Variants in CSMD2 observed in about 807,000 individuals in gnomAD.
The protein encoded by CSMD2 is CUB and sushi domain-containing protein 2.
In CSMD2, 130 loss-of-function variants were observed where a neutral mutation model predicts 398.5. That is an observed-to-expected ratio of 0.33 (90% confidence interval 0.28 to 0.38). The LOEUF (loss-of-function observed/expected upper bound fraction) is 0.38. Ranked by LOEUF, CSMD2 falls within the 10% of genes least tolerant of loss-of-function variation. The probability of loss-of-function intolerance (pLI) is 1.00; values close to 1 mark genes in which losing one functional copy is unlikely to be tolerated. For synonymous variants in CSMD2, 1,828 were observed against 1,908.5 expected, an observed-to-expected ratio of 0.96 and a Z score of 1.10; for missense variants, 3,829 against 4,764.9, an observed-to-expected ratio of 0.80 and a Z score of 5.78.
At chr1:33,605,496 A>T (rs1469203134) in intron 41 of CSMD2, 26 bp from the exon 42 acceptor site, 1 of 1,611,522 alleles carries the variant, frequency 6.2e-7, no homozygotes, top group South Asian at 1.1e-5. Context: ...AGAAAAGGTC[A>T]CTTTATTCTC....
In CSMD2 at chr1:33,625,219, C is replaced by T. The variant is rs1239106769; in HGVS notation, c.5332G>A (p.Val1778Met). 3.1e-6 allele frequency: 5 copies of T among 1,613,372 alleles called. No homozygotes were observed. The highest frequency in any genetic ancestry group is 1.7e-5 in the Admixed American group (1 of 59,936). Reference sequence around the variant, plus strand: ...CTCTTGCCATAGCGGGGTTCCGGCACAGAGCTGCACTGCGTGGCGCTGGTT... The same window carrying T: ...CTCTTGCCATAGCGGGGTTCCGGCATAGAGCTGCACTGCGTGGCGCTGGTT... Reference protein sequence around the residue: ...PRTSATQCSSVPEPRYGKRLG... With the variant: ...PRTSATQCSSMPEPRYGKRLG... Residue 1778 changes from valine to methionine, a missense_variant, in exon 34 of 71, where the codon GTG becomes ATG. Val to Met is a conservative substitution (Grantham distance 21, BLOSUM62 1). Transcript: ENST00000373381.
chr1:33,834,182 C>T (rs199868325), intron 6 of CSMD2, among the ~76,000 whole-genome samples: 54,236 of 78,056 alleles, frequency 0.69, 20,224 homozygotes, highest in African/African-American at 0.9. Context: ...AAAAAGAGCC[C>T]GCATCGCCAA....
At chr1:34,053,724 T>C (rs1653493525) in intron 2 of CSMD2, among the ~76,000 whole-genome samples, 2 of 152,214 alleles carry the variant, frequency 1.3e-5, no homozygotes, top group Non-Finnish European at 2.9e-5. Flanking sequence ...ACTATTATCA[T>C]CTTTATTTCC....
At chr1:33,541,087 ATCT>A in intron 59 of CSMD2, 40 bp downstream of exon 59, 1 of 1,596,034 alleles carries the variant, frequency 6.3e-7, no homozygotes, top group East Asian at 2.2e-5. Flanking sequence ...TCACTTTTGT[ATCT>A]TCTTTGGCTC....
chr1:33,759,407 G>A (rs1449809870), intron 13 of CSMD2, among the ~76,000 whole-genome samples: 1 of 145,826 alleles, frequency 6.9e-6, no homozygotes, highest in African/African-American at 2.6e-5. Flanking sequence ...CTCACTGCAA[G>A]CTCTGCCTCC....
chr1:33,807,613 A>C (rs561980957), intron 10 of CSMD2, among the ~76,000 whole-genome samples: 2 of 152,294 alleles, frequency 1.3e-5, no homozygotes, highest in South Asian at 4.1e-4. Context: ...ACTTGAGAAA[A>C]AATTAAGGTA....
At chr1:33,887,684 T>G (rs1056771649) in intron 5 of CSMD2, among the ~76,000 whole-genome samples, 3 of 152,216 alleles carry the variant, frequency 2.0e-5, no homozygotes, top group African/African-American at 7.2e-5. Context: ...AAAGCTATGC[T>G]TGCCTTTAAG....
At chr1:33,983,117 C>T (rs1205096878) in intron 3 of CSMD2, among the ~76,000 whole-genome samples, 1 of 152,152 alleles carries the variant, frequency 6.6e-6, no homozygotes, top group East Asian at 1.9e-4. Flanking sequence ...GCTTCTCAGA[C>T]ACTCCCTTAG....
intron 4 of CSMD2, among the ~76,000 whole-genome samples, chr1:33,933,276 G>T (rs1644368281): frequency 6.6e-6 from 1 of 152,174 alleles, no homozygotes; most frequent in Admixed American, 6.5e-5. Context: ...ACAGGGCATT[G>T]AGTTCAAGAT....
intron 6 of CSMD2, among the ~76,000 whole-genome samples, chr1:33,828,310 C>G (rs1023117262): frequency 5.3e-5 from 8 of 152,218 alleles, no homozygotes; most frequent in Non-Finnish European, 1.0e-4. Context: ...CTCTGATTCA[C>G]TATCCCTGGG....
intron 15 of CSMD2, among the ~76,000 whole-genome samples, chr1:33,732,426 A>C (rs936754332): frequency 6.6e-6 from 1 of 152,180 alleles, no homozygotes; most frequent in Non-Finnish European, 1.5e-5. Flanking sequence ...GGTCATGAGG[A>C]TAGAGCCCTA....
intron 1 of CSMD2, among the ~76,000 whole-genome samples, chr1:34,113,841 C>A (rs1273496394): frequency 6.6e-6 from 1 of 152,132 alleles, no homozygotes; most frequent in Non-Finnish European, 1.5e-5. Flanking sequence ...CCATAAAAAC[C>A]CTTCTCCCAA....
In CSMD2 at chr1:33,796,407, A is replaced by G. The variant is rs995338780; in HGVS notation, c.1447-3881T>C. Among the ~76,000 whole-genome samples the G allele has an allele frequency of 2.6e-5, 4 of 152,218 alleles. No individual in the cohort carries two copies. The East Asian group carries it at 5.8e-4, about 22-fold the overall frequency. On this transcript the variant is annotated intron_variant, in intron 10 of 70. Transcript: ENST00000373381. ...GGACATATATCAGTTCCCAAATAAT[A>G]CTTTTATAATTTCTTACGCCTGTCT...
Position 34,034,132 on chromosome 1 carries a change from AATC to A in CSMD2, c.405-1429_405-1427del, listed in dbSNP as rs578140978. On this transcript the variant is annotated intron_variant, in intron 2 of 70. Transcript: ENST00000373381. Reference sequence around the variant, plus strand: ...TATTATAAGGAAACAAACTTTGTTTAATCATCTTATGCTGGGGAAAGGCCTCCT... The same window carrying A: ...TATTATAAGGAAACAAACTTTGTTTAATCTTATGCTGGGGAAAGGCCTCCT... Among the ~76,000 whole-genome samples the A allele has an allele frequency of 6.6e-5, 10 of 152,296 alleles. No homozygotes were observed. In the South Asian group the frequency reaches 2.1e-3, roughly 32 times the overall value.
At chr1:33,963,376 T>G (rs953904725) in intron 3 of CSMD2, among the ~76,000 whole-genome samples, 4 of 152,280 alleles carry the variant, frequency 2.6e-5, no homozygotes. Context: ...ACAGCCTTGT[T>G]GAGGTTATAA....
At position 33,519,792 on chromosome 1, in the gene CSMD2, G is replaced by C; in HGVS notation, c.10736+20C>G. The C allele has an allele frequency of 1.2e-6, 2 of 1,613,422 alleles. No individual in the cohort carries two copies. The highest frequency in any genetic ancestry group is 1.7e-6 in the Non-Finnish European group (2 of 1,179,570). ...GGGAGGCCTGCCTGATGCCCGCCCT[G>C]CCTCCTTCCTGCACGGTACCTGTGC... is the stretch of plus-strand genomic sequence containing the variant. On this transcript the variant is annotated intron_variant, in intron 69 of 70. Transcript: ENST00000373381. This position sits in a 1 kb window ranked among gnomAD's most constrained non-coding sequence, Gnocchi z 5.6.
At chr1:33,668,111 GA>G (rs1480336381) in intron 25 of CSMD2, among the ~76,000 whole-genome samples, 1 of 152,154 alleles carries the variant, frequency 6.6e-6, no homozygotes, top group Non-Finnish European at 1.5e-5. Context: ...GGAGGGGTGA[GA>G]GGTGGGAGGA....
chr1:33,782,506 G>A (rs1652911665), intron 12 of CSMD2, among the ~76,000 whole-genome samples: 1 of 152,160 alleles, frequency 6.6e-6, no homozygotes, highest in Non-Finnish European at 1.5e-5. Context: ...CTGGCACACA[G>A]GGAGTCAAAG....
At chr1:33,572,283 A>G (rs1659660624) in intron 50 of CSMD2, among the ~76,000 whole-genome samples, 2 of 152,302 alleles carry the variant, frequency 1.3e-5, no homozygotes, top group South Asian at 4.1e-4. Flanking sequence ...GCCATTCCTA[A>G]GTTCCATGGT....
Sources: gnomAD v4.1 joint callset for allele counts (sites outside exome capture counted in the v4.1 genomes callset) on GRCh38, gnomAD v4.1.1 for gene constraint, Gnocchi (gnomAD v3.1) non-coding constraint, MANE v1.5 for transcripts, NCBI Gene and HGNC (gene_info 2026-07-23, HGNC 2026-07-21) for gene names.